NXPH1: variants seen among roughly 807,000 people sequenced by gnomAD.
The protein encoded by NXPH1 is neurexophilin-1.
In NXPH1, 5 loss-of-function variants were observed where a neutral mutation model predicts 23.7. The ratio of observed to expected loss-of-function variants is 0.21; its 90% CI spans 0.11 to 0.44. NXPH1 has a LOEUF of 0.44. NXPH1 is among the 20% of genes least tolerant of loss of function. NXPH1 has a pLI of 0.99. For missense variants in NXPH1, 324 were observed against 321.6 expected (o/e 1.01, Z -0.06); for synonymous variants, 144 against 122.2 (o/e 1.18, Z -1.18).
chr7:8,614,376 T>TGTTTAA (rs1051829733), intron 2 of NXPH1, among the ~76,000 whole-genome samples: 11 of 152,064 alleles, frequency 7.2e-5, no homozygotes, highest in African/African-American at 2.6e-4. Flanking sequence ...ACATTCCTAC[T>TGTTTAA]GGCTGTTTAA....
chr7:8,640,575 T>C (rs1820292204), intron 2 of NXPH1, among the ~76,000 whole-genome samples: 1 of 152,158 alleles, frequency 6.6e-6, no homozygotes, highest in Non-Finnish European at 1.5e-5. Flanking sequence ...TTTTAATATA[T>C]AGAAAGTGCT....
At chr7:8,687,675 G>T (rs954052791) in intron 2 of NXPH1, among the ~76,000 whole-genome samples, 1 of 152,118 alleles carries the variant, frequency 6.6e-6, no homozygotes, top group African/African-American at 2.4e-5. Flanking sequence ...TCTCATTTGA[G>T]AAATAGAGAT....
At chr7:8,731,255 G>A (rs7782322) in intron 2 of NXPH1, among the ~76,000 whole-genome samples, 26,683 of 150,134 alleles carry the variant, frequency 0.18, 2,380 homozygotes, top group Admixed American at 0.22. Context: ...AATTTTTTTC[G>A]AAGTTTTCAA....
intron 2 of NXPH1, among the ~76,000 whole-genome samples, chr7:8,685,750 C>A (rs993529320): frequency 1.3e-5 from 2 of 151,108 alleles, no homozygotes; most frequent in Non-Finnish European, 2.9e-5. Context: ...ATAGAGAGTA[C>A]AAGGAAGGTT....
rs568630426 is a variant in NXPH1 at position 8,728,335 on chromosome 7, T to C, written c.55-22673T>C. On this transcript the variant is annotated intron_variant, in intron 2 of 2. Transcript: ENST00000405863. ...CCTAATTGAATACTCTTTATTTCCT[T>C]CTCCTGCCTAATTGCCCTGGCCAGA... Among the ~76,000 whole-genome samples the C allele has an allele frequency of 5.0e-4, 76 of 152,164 alleles. No individual in the cohort carries two copies. The Middle Eastern group carries it at 0.017, about 34-fold the overall frequency.
chr7:8,444,474 C>A (rs1343630954), intron 2 of NXPH1, among the ~76,000 whole-genome samples: 1 of 152,198 alleles, frequency 6.6e-6, no homozygotes, highest in African/African-American at 2.4e-5. Flanking sequence ...CAGGGTCTTG[C>A]CTGCTGGATT....
At chr7:8,521,055 T>C (rs1254401530) in intron 2 of NXPH1, among the ~76,000 whole-genome samples, 2 of 152,184 alleles carry the variant, frequency 1.3e-5, no homozygotes, top group African/African-American at 4.8e-5. Context: ...GATGATGTTT[T>C]CTCTGTCAGT....
chr7:8,751,471 T>C lies in NXPH1; in HGVS notation c.518T>C (p.Ile173Thr). Residue 173 changes from isoleucine (I) to threonine (T), a missense_variant, in exon 3 of 3, where the codon ATC becomes ACC. Transcript: ENST00000405863. The surrounding 1 kb of genome is among the most constrained non-coding windows in gnomAD (Gnocchi z 4.5). ...GTCAGCTTGGTACCCCCTACAAAAA[T>C]CGTGGAATTTGACTTGGCACAACAA... ...VSVSLVPPTK[I>T]VEFDLAQQTV... 2.5e-6 allele frequency: 4 copies of C among 1,613,786 alleles called. No homozygotes were observed. Among genetic ancestry groups the C allele is most frequent in the Non-Finnish European group, 3.4e-6 (4 of 1,179,832 alleles).
At chr7:8,476,580 GT>G (rs554969951) in intron 2 of NXPH1, among the ~76,000 whole-genome samples, 149 of 151,298 alleles carry the variant, frequency 9.8e-4, no homozygotes, top group African/African-American at 3.3e-3. Flanking sequence ...GTGTTATGTT[GT>G]TTTTTAATGA....
chr7:8,496,694 C>A (rs1379122111), intron 2 of NXPH1, among the ~76,000 whole-genome samples: 1 of 152,074 alleles, frequency 6.6e-6, no homozygotes, highest in Non-Finnish European at 1.5e-5. Context: ...TCAGCAATTG[C>A]AAGCCCTTCA....
intron 2 of NXPH1, among the ~76,000 whole-genome samples, chr7:8,506,370 C>T (rs76813685): frequency 6.6e-6 from 1 of 151,978 alleles, no homozygotes; most frequent in Non-Finnish European, 1.5e-5. Context: ...GTCTTAGTCA[C>T]CTCATTTATA....
chr7:8,460,187 T>A (rs12667611), intron 2 of NXPH1, among the ~76,000 whole-genome samples: 57,582 of 151,986 alleles, frequency 0.38, 11,361 homozygotes, highest in East Asian at 0.63. Flanking sequence ...TTTGTTAATT[T>A]TATATAAAAT....
intron 2 of NXPH1, among the ~76,000 whole-genome samples, chr7:8,501,290 G>A (rs920919998): frequency 2.0e-5 from 3 of 152,026 alleles, no homozygotes; most frequent in Admixed American, 2.0e-4. Flanking sequence ...GTTTGTTACT[G>A]AGTAATGAAA....
chr7:8,723,585 G>A (rs1389108818), intron 2 of NXPH1, among the ~76,000 whole-genome samples: 1 of 152,142 alleles, frequency 6.6e-6, no homozygotes, highest in Non-Finnish European at 1.5e-5. Context: ...TTTCCAAGAA[G>A]AATGCCACCT....
At chr7:8,649,670 G>A (rs1170071920) in intron 2 of NXPH1, among the ~76,000 whole-genome samples, 2 of 152,186 alleles carry the variant, frequency 1.3e-5, no homozygotes, top group African/African-American at 4.8e-5. Flanking sequence ...TTGGCTGCTA[G>A]AAGAGAAATG....
At chr7:8,499,857 G>A (rs981983172) in intron 2 of NXPH1, among the ~76,000 whole-genome samples, 3 of 152,060 alleles carry the variant, frequency 2.0e-5, no homozygotes, top group Non-Finnish European at 2.9e-5. Flanking sequence ...AGAGAGGGAA[G>A]GACTGGGCCA....
chr7:8,724,549 T>C (rs962266531), intron 2 of NXPH1, among the ~76,000 whole-genome samples: 1 of 152,234 alleles, frequency 6.6e-6, no homozygotes, highest in Non-Finnish European at 1.5e-5. Context: ...ATACAAATTT[T>C]CATCCAACCT....
intron 2 of NXPH1, among the ~76,000 whole-genome samples, chr7:8,530,136 C>G (rs751861293): frequency 2.0e-5 from 3 of 152,146 alleles, no homozygotes; most frequent in Non-Finnish European, 4.4e-5. Flanking sequence ...AAAAACCAAT[C>G]ATCATGAAGA....
chr7:8,546,858 A>C lies in NXPH1; in HGVS notation c.54+111091A>C, dbSNP rs114456584. Among the ~76,000 whole-genome samples, 36 of 151,572 alleles carry C rather than the reference A, an allele frequency of 2.4e-4. No individual in the cohort carries two copies. In the South Asian group the frequency reaches 7.3e-3, roughly 31 times the overall value. On this transcript the variant is annotated intron_variant, in intron 2 of 2. Transcript: ENST00000405863. ...AATAGTAATAACAGCAACAACCACA[A>C]GAACAGTAATATCTGGTTTACATAT...
Sources: allele counts gnomAD v4.1 joint callset (sites outside exome capture counted in the v4.1 genomes callset), GRCh38; gene constraint gnomAD v4.1.1; non-coding constraint Gnocchi (gnomAD v3.1); transcripts MANE v1.5; gene names NCBI Gene and HGNC (gene_info 2026-07-23, HGNC 2026-07-21).